The following CRHR1 variants were observed in gnomAD, a reference collection of about 807,000 sequenced individuals.
CRHR1 encodes the protein corticotropin-releasing hormone receptor 1.
CRHR1 carries 28 observed loss-of-function variants against 56.0 expected under a neutral mutation model. The observed-to-expected ratio is 0.50, with a 90% CI of 0.37 to 0.69. The LOEUF (loss-of-function observed/expected upper bound fraction) is 0.69, where lower values mean the gene tolerates loss of function less well. CRHR1 is among the 30% of genes least tolerant of loss of function. The pLI, the probability that CRHR1 is intolerant of heterozygous loss-of-function variation, is 0.00. For synonymous variants in CRHR1, 195 were observed against 216.5 expected (o/e 0.90, Z 0.87); for missense variants, 376 against 548.0 (o/e 0.69, Z 3.13).
At position 45,834,900 on chromosome 17, in the gene CRHR1, C is replaced by CT. The variant is rs1437654341; in HGVS notation, c.*137dup. 16 of 1,182,708 alleles carry CT rather than the reference C, an allele frequency of 1.4e-5. No homozygotes were observed. The highest frequency in any genetic ancestry group is 4.5e-5 in the African/African-American group (3 of 66,158). 73.3% of individuals were successfully genotyped at this position (1,182,708 alleles called of 1,614,324 possible). A position where few individuals can be genotyped will look rare whatever the true frequency, so the allele number is the denominator to read the frequency against. ...CCCAGGAGCAGCTGGCACTGACAGC[C>CT]TGGGGGGGCCGCTCTCCCCCTGCAG... On this transcript the variant is annotated 3_prime_UTR_variant, in exon 13 of 13. Coordinates refer to ENST00000314537, the MANE Select transcript of CRHR1 (RefSeq NM_004382.5).
intron 4 of CRHR1, among the ~76,000 whole-genome samples, chr17:45,822,035 C>T (rs62057114): frequency 0.14 from 21,827 of 152,036 alleles, 2,138 homozygotes; most frequent in Middle Eastern, 0.22. Flanking sequence ...GCCAATTTCA[C>T]AAGTGTCCTT....
intron 2 of CRHR1, among the ~76,000 whole-genome samples, chr17:45,810,740 G>C (rs2061807184): frequency 6.6e-6 from 1 of 152,210 alleles, no homozygotes; most frequent in Non-Finnish European, 1.5e-5. Context: ...CGCAGGACAG[G>C]AGGGCCATCC....
chr17:45,787,239 C>A (rs540188385), intron 1 of CRHR1, among the ~76,000 whole-genome samples: 9 of 152,176 alleles, frequency 5.9e-5, no homozygotes, highest in African/African-American at 1.9e-4. Context: ...TACAAGTGGC[C>A]ATGAGTCAGG....
At chr17:45,828,789 C>T (rs1469504270) in intron 4 of CRHR1, among the ~76,000 whole-genome samples, 2 of 152,198 alleles carry the variant, frequency 1.3e-5, no homozygotes, top group Non-Finnish European at 2.9e-5. Context: ...TGACTCAGTT[C>T]AGAAATGGGT....
intron 5 of CRHR1, 131 bp downstream of exon 5, chr17:45,829,452 G>T: frequency 7.5e-7 from 1 of 1,334,982 alleles, no homozygotes; most frequent in Non-Finnish European, 1.0e-6. Context: ...TGGCTTATCT[G>T]AGAGTCTCAG....
intron 8 of CRHR1, among the ~76,000 whole-genome samples, chr17:45,831,567 C>G (rs949595414): frequency 1.3e-5 from 2 of 152,126 alleles, no homozygotes; most frequent in African/African-American, 4.8e-5. Flanking sequence ...ATTAGAATCA[C>G]CTGGAATGCT....
chr17:45,819,457 C>G (rs1336519241), intron 3 of CRHR1, among the ~76,000 whole-genome samples: 1 of 151,808 alleles, frequency 6.6e-6, no homozygotes. Context: ...ATCCCACCAC[C>G]CCCGGGCCCC....
At position 45,833,161 on chromosome 17, in the gene CRHR1, G is replaced by A. The variant is rs754047393; in HGVS notation, c.794G>A (p.Gly265Glu). The change falls in exon 9 of 13, where the codon GGG becomes GAG. Residue 265 changes from glycine to glutamate, a missense_variant. Physicochemically the swap from Gly to Glu is moderately conservative, Grantham distance 98. This residue lies in a region of CRHR1 where 369 missense variants were observed against 519.5 expected (regional missense o/e 0.71). Transcript: ENST00000314537. ...NEKCWFGKRP[G>E]VYTDYIYQGP... ...AGGTGCTGGTTTGGCAAAAGGCCTG[G>A]GGTGTACACCGACTACATCTACCAG... is the stretch of plus-strand genomic sequence containing the variant. 2 of 1,614,134 alleles carry A rather than the reference G, an allele frequency of 1.2e-6. No homozygotes were observed. Among genetic ancestry groups the A allele is most frequent in the Non-Finnish European group, 1.7e-6 (2 of 1,180,016 alleles).
At chr17:45,796,182 G>A (rs2061513311) in intron 1 of CRHR1, among the ~76,000 whole-genome samples, 1 of 152,190 alleles carries the variant, frequency 6.6e-6, no homozygotes. Flanking sequence ...CGTAGCTGGT[G>A]TCTCTGCGGC....
intron 1 of CRHR1, among the ~76,000 whole-genome samples, chr17:45,805,181 C>T (rs2061697046): frequency 6.6e-6 from 1 of 152,160 alleles, no homozygotes; most frequent in South Asian, 2.1e-4. Context: ...AGCACTGTTA[C>T]TGAGCCTATC....
intron 1 of CRHR1, among the ~76,000 whole-genome samples, chr17:45,790,148 C>A (rs1482806062): frequency 2.0e-5 from 3 of 152,160 alleles, no homozygotes; most frequent in Non-Finnish European, 4.4e-5. Flanking sequence ...CAGCCATCAG[C>A]TGAGCTTGAA....
chr17:45,790,160 G>A (rs2061402570), intron 1 of CRHR1, among the ~76,000 whole-genome samples: 1 of 152,304 alleles, frequency 6.6e-6, no homozygotes. Context: ...GAGCTTGAAG[G>A]TCATAGACAG....
Position 45,830,404 on chromosome 17 carries a change from G to A in CRHR1, c.556-13G>A, listed in dbSNP as rs1249960627. 6 of 1,599,120 alleles carry A rather than the reference G, an allele frequency of 3.8e-6. No homozygotes were observed. The highest frequency in any genetic ancestry group is 2.2e-5 in the East Asian group (1 of 44,794). ...CCCCCCATCATCATCTCTGGTTGGG[G>A]GTGGGGTGGCAGGGCTGGTGCAGGT... On this transcript the variant is annotated splice_polypyrimidine_tract_variant and intron_variant, in intron 6 of 12. Transcript: ENST00000314537.
chr17:45,831,005 C>A, intron 8 of CRHR1, 65 bp downstream of exon 8: 3 of 1,496,136 alleles, frequency 2.0e-6, no homozygotes, highest in Non-Finnish European at 2.8e-6. Flanking sequence ...TGGTGACACT[C>A]CCCACGGGCA....
intron 3 of CRHR1, among the ~76,000 whole-genome samples, chr17:45,817,805 G>A (rs1213447541): frequency 6.6e-6 from 1 of 152,204 alleles, no homozygotes; most frequent in Non-Finnish European, 1.5e-5. Flanking sequence ...GACACACTGG[G>A]AGGGGCTTGG....
intron 3 of CRHR1, among the ~76,000 whole-genome samples, chr17:45,819,031 C>A (rs2061984438): frequency 6.6e-6 from 1 of 152,136 alleles, no homozygotes; most frequent in Non-Finnish European, 1.5e-5. Context: ...TCTGATGGGA[C>A]TCCTGACTCT....
intron 1 of CRHR1, among the ~76,000 whole-genome samples, chr17:45,798,954 G>A (rs1416249619): frequency 6.6e-6 from 1 of 152,254 alleles, no homozygotes; most frequent in Non-Finnish European, 1.5e-5. Context: ...CCCACTTTGA[G>A]GGGAAGCACT....
chr17:45,822,716 G>A (rs1386027296), intron 4 of CRHR1, among the ~76,000 whole-genome samples: 3 of 151,966 alleles, frequency 2.0e-5, no homozygotes, highest in South Asian at 2.1e-4. Flanking sequence ...CGGGTGTGGC[G>A]GGATTACACC....
chr17:45,824,433 C>T (rs2062114096), intron 4 of CRHR1, among the ~76,000 whole-genome samples: 1 of 152,194 alleles, frequency 6.6e-6, no homozygotes, highest in African/African-American at 2.4e-5. Context: ...GTTCACCTGT[C>T]TCTCCTGCTC....
Sources: allele counts gnomAD v4.1 joint callset (sites outside exome capture counted in the v4.1 genomes callset), GRCh38; gene constraint gnomAD v4.1.1; regional missense constraint gnomAD v4.1.1; transcripts MANE v1.5; gene names NCBI Gene and HGNC (gene_info 2026-07-23, HGNC 2026-07-21).